Variants in QTGAL observed in about 807,000 individuals in gnomAD.
QTGAL encodes BGnT-like protein 1.
chr17:82,987,466 A>G, the QTGAL span, among the ~76,000 whole-genome samples: 1 of 152,242 alleles, frequency 6.6e-6, no homozygotes, highest in Non-Finnish European at 1.5e-5. Flanking sequence ...ACATGGGTAT[A>G]ACGGTTAATG....
chr17:82,962,685 A>C, the QTGAL span, among the ~76,000 whole-genome samples: 1 of 152,060 alleles, frequency 6.6e-6, no homozygotes, highest in Non-Finnish European at 1.5e-5. Flanking sequence ...TATTTTCTTT[A>C]ATTTTCTGTG....
the QTGAL span, among the ~76,000 whole-genome samples, chr17:82,999,247 C>A: frequency 3.4e-5 from 2 of 58,158 alleles, no homozygotes; most frequent in Admixed American, 1.5e-4. Flanking sequence ...GTCATGCACA[C>A]ACAAAGGCTT....
At chr17:83,017,491 T>C in the QTGAL span, among the ~76,000 whole-genome samples, 1 of 151,840 alleles carries the variant, frequency 6.6e-6, no homozygotes, top group Non-Finnish European at 1.5e-5. Flanking sequence ...AGTATGGTGC[T>C]GCACGCCTGT....
At chr17:83,045,437 A>G in the QTGAL span, among the ~76,000 whole-genome samples, 5 of 152,252 alleles carry the variant, frequency 3.3e-5, no homozygotes, top group African/African-American at 1.2e-4. Flanking sequence ...AAGTCAAAAT[A>G]GATCAAAGGC....
chr17:83,019,251 G>A, the QTGAL span, among the ~76,000 whole-genome samples: 1 of 152,106 alleles, frequency 6.6e-6, no homozygotes, highest in East Asian at 1.9e-4. Flanking sequence ...AGAACCCTGG[G>A]GCGTCAAATT....
the QTGAL span, among the ~76,000 whole-genome samples, chr17:83,034,199 C>G: frequency 6.6e-6 from 1 of 152,170 alleles, no homozygotes; most frequent in East Asian, 1.9e-4. Context: ...CTCGGCCTCC[C>G]AAAGTGCTGG....
chr17:82,970,646 G>GGTGTGGCCGTGACCTCCCCACCCA, the QTGAL span, among the ~76,000 whole-genome samples: 1 of 41,280 alleles, frequency 2.4e-5, no homozygotes, highest in Admixed American at 2.1e-4. Context: ...CTCCGCACCC[G>GGTGTGGCCGTGACCTCCCCACCCA]GTGTGGCCGC....
the QTGAL span, among the ~76,000 whole-genome samples, chr17:82,994,050 C>T: frequency 6.6e-6 from 1 of 151,846 alleles, no homozygotes; most frequent in Admixed American, 6.6e-5. Context: ...GTGTCTACAT[C>T]AAAAAAGAAG....
the QTGAL span, among the ~76,000 whole-genome samples, chr17:82,972,850 CACTCAT>C: frequency 9.2e-5 from 11 of 120,176 alleles, no homozygotes; most frequent in African/African-American, 3.1e-4. Flanking sequence ...GACCACACCA[CACTCAT>C]AGGGGCCAGA....
At chr17:83,013,511 GC>G in the QTGAL span, among the ~76,000 whole-genome samples, 116 of 143,654 alleles carry the variant, frequency 8.1e-4, 1 homozygote, top group Non-Finnish European at 9.2e-4. Flanking sequence ...TCCTGCCCTT[GC>G]CCCCCTGCCC....
the QTGAL span, chr17:82,956,610 C>G: frequency 2.9e-6 from 4 of 1,388,670 alleles, no homozygotes; most frequent in African/African-American, 1.5e-5. The surrounding 1 kb of genome is among the most constrained non-coding windows in gnomAD (Gnocchi z 5.7). Context: ...CCAGGCCACA[C>G]AGTCATTGCA....
the QTGAL span, among the ~76,000 whole-genome samples, chr17:83,021,363 G>A: frequency 6.6e-6 from 1 of 152,004 alleles, no homozygotes; most frequent in Admixed American, 6.5e-5. Context: ...ACTAGAATAA[G>A]CTAATGTAGC....
At chr17:83,005,180 G>A in the QTGAL span, 4 of 1,610,476 alleles carry the variant, frequency 2.5e-6, no homozygotes, top group Non-Finnish European at 3.4e-6. This position sits in a 1 kb window ranked among gnomAD's most constrained non-coding sequence, Gnocchi z 5.6. Context: ...GTGGAGTTAG[G>A]GGGATCTCTC....
At chr17:82,997,733 CT>C in the QTGAL span, among the ~76,000 whole-genome samples, 1 of 151,972 alleles carries the variant, frequency 6.6e-6, no homozygotes, top group Non-Finnish European at 1.5e-5. Context: ...ATAGACGGCA[CT>C]GGGGGGTCAT....
the QTGAL span, chr17:83,051,689 G>T: frequency 7.0e-7 from 1 of 1,424,124 alleles, no homozygotes; most frequent in Middle Eastern, 2.3e-4. Context: ...GTGAGGGGAC[G>T]CGAGGACCCA....
chr17:83,001,414 G>GA, the QTGAL span, among the ~76,000 whole-genome samples: 1 of 152,164 alleles, frequency 6.6e-6, no homozygotes, highest in Non-Finnish European at 1.5e-5. Flanking sequence ...ATTCAAACCA[G>GA]AAACTGTGAA....
the QTGAL span, among the ~76,000 whole-genome samples, chr17:83,029,348 A>G: frequency 3.3e-5 from 5 of 152,228 alleles, no homozygotes; most frequent in Non-Finnish European, 5.9e-5. Flanking sequence ...TATAAAGTTA[A>G]AAAGAACTGA....
At chr17:82,996,225 C>G in the QTGAL span, among the ~76,000 whole-genome samples, 5 of 152,132 alleles carry the variant, frequency 3.3e-5, no homozygotes, top group Admixed American at 6.5e-5. Context: ...GCATTCTTCA[C>G]AAAAACAGAA....
chr17:82,995,662 T>C, the QTGAL span, among the ~76,000 whole-genome samples: 1,849 of 152,262 alleles, frequency 0.012, 43 homozygotes, highest in African/African-American at 0.042. Context: ...GGATTATAGA[T>C]GTGAGCCACT....
Sources: gnomAD v4.1 joint callset for allele counts (sites outside exome capture counted in the v4.1 genomes callset) on GRCh38, gnomAD v4.1.1 for gene constraint, Gnocchi (gnomAD v3.1) non-coding constraint, MANE v1.5 for transcripts, NCBI Gene and HGNC (gene_info 2026-07-23, HGNC 2026-07-21) for gene names.